DNAH1: variants seen among roughly 807,000 people sequenced by gnomAD.
DNAH1 encodes the protein axonemal beta dynein heavy chain 1.
DNAH1 carries 327 observed loss-of-function variants against 484.3 expected under a neutral mutation model. The ratio of observed to expected loss-of-function variants is 0.68; its 90% CI spans 0.62 to 0.74. DNAH1 has a LOEUF of 0.74. Ranked by LOEUF, DNAH1 falls within the 30% of genes least tolerant of loss-of-function variation. The pLI is 0.00. For synonymous variants in DNAH1, 2,192 were observed against 2,191.9 expected, an observed-to-expected ratio of 1.00 and a Z score of 0.00; for missense variants, 5,052 against 5,546.8, an observed-to-expected ratio of 0.91 and a Z score of 2.83.
intron 36 of DNAH1, among the ~76,000 whole-genome samples, chr3:52,367,979 C>G (rs999934586): frequency 6.6e-6 from 1 of 152,214 alleles, no homozygotes; most frequent in Non-Finnish European, 1.5e-5. Context: ...AGACTGGGCT[C>G]TGAATACAGC....
At chr3:52,366,402 T>C (rs1703073708) in intron 34 of DNAH1, 55 bp from the exon 35 acceptor site, 1 of 1,439,940 alleles carries the variant, frequency 6.9e-7, no homozygotes, top group African/African-American at 1.4e-5. Flanking sequence ...GTTAGTGGTG[T>C]GGCCAGGACC....
rs1222419960 is a variant in DNAH1, at chr3:52,326,638, C to T, written c.582-97C>T. The T allele has an allele frequency of 6.9e-6, 10 of 1,449,056 alleles. No homozygotes were observed. In the South Asian group the frequency reaches 1.4e-4, roughly 20 times the overall value. The allele number at this position is 1,449,056 out of a possible 1,614,324, so 89.8% of individuals were successfully genotyped here. A position where few individuals can be genotyped will look rare whatever the true frequency, so the allele number is the denominator to read the frequency against. On this transcript the variant is annotated intron_variant, in intron 4 of 77. Transcript: ENST00000420323. ...GCTCCAGAGGGGTCTCTCGGCCACA[C>T]CCCTGTCCCCACAACCCCGTAGGCC...
intron 6 of DNAH1, among the ~76,000 whole-genome samples, chr3:52,330,891 G>A (rs1448874669): frequency 6.6e-6 from 1 of 152,228 alleles, no homozygotes; most frequent in Admixed American, 6.5e-5. Flanking sequence ...CTCTGCCCTG[G>A]TGGAGGTTGT....
intron 8 of DNAH1, among the ~76,000 whole-genome samples, chr3:52,340,457 T>C (rs1337230986): frequency 6.6e-6 from 1 of 151,790 alleles, no homozygotes; most frequent in Non-Finnish European, 1.5e-5. Context: ...TTTTTTGAGA[T>C]GAAGTCTTGC....
rs112114906 is a variant in DNAH1, at chr3:52,367,482, C to G, written c.5765+595C>G. On this transcript the variant is annotated intron_variant, in intron 36 of 77. Coordinates refer to ENST00000420323, the MANE Select transcript of DNAH1 (RefSeq NM_015512.5). ...CCCATTTCTGGTGAAGATTCTCCCC[C>G]ATATCCACTCCAGTCTCTTATGTAG... Among the ~76,000 whole-genome samples the G allele has an allele frequency of 2.4e-3, 358 of 152,162 alleles. 3 individuals carry two copies. Among genetic ancestry groups the G allele is most frequent in the African/African-American group, 7.7e-3 (321 of 41,498 alleles).
In DNAH1 at chr3:52,379,322, A is replaced by C. The variant is rs1050837668; in HGVS notation, c.7377+542A>C. 1.3e-5 allele frequency among the ~76,000 whole-genome samples: 2 copies of C among 152,222 alleles called. No individual in the cohort carries two copies. The highest frequency in any genetic ancestry group is 6.5e-5 in the Admixed American group (1 of 15,286). ...CCCAGGCTAAGGAGATGGGGTGAGC[A>C]GGACAGAAGCTGACCCTGGCCTTGT... On this transcript the variant is annotated intron_variant, in intron 47 of 77. Transcript: ENST00000420323. The surrounding 1 kb of genome is among the most constrained non-coding windows in gnomAD (Gnocchi z 4.4).
chr3:52,335,935 C>G (rs893687056), intron 8 of DNAH1, among the ~76,000 whole-genome samples: 2 of 152,050 alleles, frequency 1.3e-5, no homozygotes, highest in Non-Finnish European at 2.9e-5. Flanking sequence ...CACCCGGCCC[C>G]TTTTTCCCAT....
In DNAH1 at chr3:52,361,414, G is replaced by A; in HGVS notation, c.4874+62G>A. 2 of 1,468,128 alleles carry A rather than the reference G, an allele frequency of 1.4e-6. No homozygotes were observed. The highest frequency in any genetic ancestry group is 1.8e-6 in the Non-Finnish European group (2 of 1,097,812). 90.9% of individuals were successfully genotyped at this position (1,468,128 alleles called of 1,614,324 possible). On this transcript the variant is annotated intron_variant, in intron 29 of 77. Coordinates refer to ENST00000420323, the MANE Select transcript of DNAH1 (RefSeq NM_015512.5). The surrounding 1 kb of genome is among the most constrained non-coding windows in gnomAD (Gnocchi z 5.6). ...GGACAGCCTAGCTCTCCTTGGGGAG[G>A]GCTAGGTGAGGGCAGTGCCTGAGAG...
intron 2 of DNAH1, among the ~76,000 whole-genome samples, chr3:52,323,597 G>A (rs1409323720): frequency 6.6e-6 from 1 of 152,160 alleles, no homozygotes; most frequent in Admixed American, 6.5e-5. Flanking sequence ...AGAATGGGGT[G>A]GGGCCAGGAA....
chr3:52,348,348 T>C (rs1702230055), intron 12 of DNAH1, among the ~76,000 whole-genome samples: 1 of 152,188 alleles, frequency 6.6e-6, no homozygotes, highest in South Asian at 2.1e-4. Flanking sequence ...CAGCCAGATC[T>C]GATGTAGACC....
At position 52,361,557 on chromosome 3, in the gene DNAH1, CT is replaced by C. The variant is rs1702858628; in HGVS notation, c.4875-103del. 2.2e-6 allele frequency: 3 copies of C among 1,350,532 alleles called. No individual in the cohort carries two copies. Among genetic ancestry groups the C allele is most frequent in the African/African-American group, 2.9e-5 (2 of 69,236 alleles). 83.7% of individuals were successfully genotyped at this position (1,350,532 alleles called of 1,614,324 possible). ...AAGACTGAGCTGATGGAGATTGCCCCTGAGGGCTTCCTCCCAAGTGGAGTTG... is the reference window on the plus strand; with the variant it reads ...AAGACTGAGCTGATGGAGATTGCCCCGAGGGCTTCCTCCCAAGTGGAGTTG... On this transcript the variant is annotated intron_variant, in intron 29 of 77. Transcript: ENST00000420323. The surrounding 1 kb of genome is among the most constrained non-coding windows in gnomAD (Gnocchi z 5.6).
chr3:52,328,046 A>G (rs770538344), intron 6 of DNAH1, 32 bp downstream of exon 6: 1 of 1,602,920 alleles, frequency 6.2e-7, no homozygotes, highest in Non-Finnish European at 8.5e-7. Flanking sequence ...TGGGGACACT[A>G]TCTCATTCCA....
chr3:52,394,918 G>A lies in DNAH1; in HGVS notation c.10827G>A (p.Glu3609=), dbSNP rs767106513. The A allele has an allele frequency of 5.6e-6, 9 of 1,613,426 alleles. No homozygotes were observed. The South Asian group carries it at 7.7e-5, about 14-fold the overall frequency. ...GAGGTGTGGGCCACTGTTGCAGGGAGCCTTTGCCTGGCATCTGGGACCAGT... is the reference window on the plus strand; with the variant it reads ...GAGGTGTGGGCCACTGTTGCAGGGAACCTTTGCCTGGCATCTGGGACCAGT... ...VIFDSLEPHR[E]PLPGIWDQYL... The change falls in exon 68 of 78, where the codon GAG becomes GAA. Residue 3609 remains glutamate, a synonymous_variant. Coordinates refer to ENST00000420323, the MANE Select transcript of DNAH1 (RefSeq NM_015512.5).
rs367975909 is a variant in DNAH1, at chr3:52,392,481, T to G, written c.10070T>G (p.Leu3357Arg). ...TLSPSGLEDQ[L>R]LGQVVAEERP... Reference sequence around the variant, plus strand: ...CCCGGCAGTGGCCTAGAGGACCAGCTACTGGGCCAGGTAGTGGCAGAGGAG... The same window carrying G: ...CCCGGCAGTGGCCTAGAGGACCAGCGACTGGGCCAGGTAGTGGCAGAGGAG... Residue 3357 changes from leucine (L) to arginine (R), a missense_variant, in exon 64 of 78, where the codon CTA becomes CGA. Leu to Arg is a moderately radical substitution (Grantham distance 102). This residue lies in a region of DNAH1 where 2,929 missense variants were observed against 3,409.4 expected (regional missense o/e 0.86). Transcript: ENST00000420323. 1.1e-5 allele frequency: 17 copies of G among 1,613,608 alleles called. No individual in the cohort carries two copies. Among genetic ancestry groups the G allele is most frequent in the African/African-American group, 2.7e-5 (2 of 74,906 alleles).
chr3:52,385,189 G>A, intron 53 of DNAH1, 148 bp from the exon 54 acceptor site: 1 of 981,870 alleles, frequency 1.0e-6, no homozygotes, highest in Non-Finnish European at 1.5e-6. Flanking sequence ...GGGGACTGAT[G>A]CCCTTCCTCT....
rs1703411865 is a variant in DNAH1 at position 52,372,961 on chromosome 3, TGCCG to T, written c.6897_6900del (p.Ala2300TrpfsTer34). 6.2e-7 allele frequency: 1 copy of T among 1,613,834 alleles called. No individual in the cohort carries two copies. Among genetic ancestry groups the T allele is most frequent in the Non-Finnish European group, 8.5e-7 (1 of 1,179,862 alleles). On this transcript the variant is annotated frameshift_variant, in exon 44 of 78. Coordinates refer to ENST00000420323, the MANE Select transcript of DNAH1 (RefSeq NM_015512.5). LOFTEE classifies it high-confidence loss of function. Reference sequence around the variant, plus strand: ...ATCTTCTTCATCGATGACCTGAACATGCCGGCCCTGGAGACCTACGGTGCACAGC... The same window carrying T: ...ATCTTCTTCATCGATGACCTGAACATGCCCTGGAGACCTACGGTGCACAGC...
chr3:52,369,011 TTC>T, intron 37 of DNAH1, 93 bp downstream of exon 37: 1 of 1,414,108 alleles, frequency 7.1e-7, no homozygotes. Context: ...CCTCACCCCT[TTC>T]TCTCAGGGCC....
At chr3:52,322,234 C>T (rs1309640780) in intron 1 of DNAH1, among the ~76,000 whole-genome samples, 175 bp from the exon 2 acceptor site, 1 of 151,968 alleles carries the variant, frequency 6.6e-6, no homozygotes, top group Non-Finnish European at 1.5e-5. Flanking sequence ...TGGTGGGACT[C>T]GGGGTACTGT....
intron 2 of DNAH1, 100 bp from the exon 3 acceptor site, chr3:52,323,707 TG>T: frequency 1.2e-6 from 1 of 805,328 alleles, no homozygotes; most frequent in Non-Finnish European, 2.0e-6. Context: ...GAGTGCTCCC[TG>T]GTGGGTCTCA....
Sources: gnomAD v4.1 joint callset for allele counts (sites outside exome capture counted in the v4.1 genomes callset) on GRCh38, gnomAD v4.1.1 for gene constraint, gnomAD v4.1.1 regional missense constraint, Gnocchi (gnomAD v3.1) non-coding constraint, MANE v1.5 for transcripts, NCBI Gene and HGNC (gene_info 2026-07-23, HGNC 2026-07-21) for gene names.